Variants in RPSA2 observed in about 807,000 individuals in gnomAD.
RPSA2 encodes the protein small ribosomal subunit protein uS2B.
chr19:23,826,009 GTTA>G, the RPSA2 span, among the ~76,000 whole-genome samples: 1 of 115,730 alleles, frequency 8.6e-6, no homozygotes, highest in South Asian at 3.0e-4. Flanking sequence ...ATCTCTTTTA[GTTA>G]TTATTGTTTA....
chr19:23,789,378 C>G, the RPSA2 span, among the ~76,000 whole-genome samples: 1 of 152,148 alleles, frequency 6.6e-6, no homozygotes, highest in Non-Finnish European at 1.5e-5. Flanking sequence ...TGTGATATGA[C>G]TCTCCTGTCT....
the RPSA2 span, among the ~76,000 whole-genome samples, chr19:23,870,374 G>C: frequency 1.5e-5 from 2 of 135,066 alleles, no homozygotes; most frequent in African/African-American, 5.6e-5. Flanking sequence ...CAAGTACAAA[G>C]CTTACAGTTG....
the RPSA2 span, among the ~76,000 whole-genome samples, chr19:23,856,617 C>A: frequency 6.6e-6 from 1 of 152,260 alleles, no homozygotes; most frequent in African/African-American, 2.4e-5. Flanking sequence ...TGTTGGCATG[C>A]CAGATATTGG....
chr19:23,808,158 A>C, the RPSA2 span, among the ~76,000 whole-genome samples: 1 of 152,238 alleles, frequency 6.6e-6, no homozygotes, highest in Admixed American at 6.5e-5. Flanking sequence ...ATTATTGGTA[A>C]TTTCAGAAGT....
the RPSA2 span, chr19:23,799,111 G>A: frequency 6.6e-6 from 1 of 152,188 alleles, no homozygotes; most frequent in Admixed American, 6.5e-5. Flanking sequence ...TATTTAGAGA[G>A]AAATTGTTTT....
chr19:23,833,577 T>G, the RPSA2 span, among the ~76,000 whole-genome samples: 1 of 152,126 alleles, frequency 6.6e-6, no homozygotes, highest in Non-Finnish European at 1.5e-5. Context: ...GCCAAGCTTC[T>G]AACTAATGCT....
chr19:23,837,880 T>C, the RPSA2 span, among the ~76,000 whole-genome samples: 1 of 152,128 alleles, frequency 6.6e-6, no homozygotes, highest in East Asian at 1.9e-4. Flanking sequence ...AGGTAAATAA[T>C]CATGTCATCA....
chr19:23,854,617 AC>A, the RPSA2 span, among the ~76,000 whole-genome samples: 1 of 152,080 alleles, frequency 6.6e-6, no homozygotes, highest in East Asian at 1.9e-4. Flanking sequence ...CCCAGTGTTT[AC>A]CTTTATGGCA....
the RPSA2 span, among the ~76,000 whole-genome samples, chr19:23,843,025 G>A: frequency 6.6e-6 from 1 of 152,170 alleles, no homozygotes; most frequent in Non-Finnish European, 1.5e-5. Flanking sequence ...TGTAAAATAT[G>A]TTCTAAGTAT....
At chr19:23,851,745 C>T in the RPSA2 span, among the ~76,000 whole-genome samples, 3,444 of 152,244 alleles carry the variant, frequency 0.023, 52 homozygotes, top group Non-Finnish European at 0.028. Flanking sequence ...CATCAGTGAA[C>T]GCTGTAACGG....
chr19:23,786,476 T>C, the RPSA2 span, among the ~76,000 whole-genome samples: 1 of 152,326 alleles, frequency 6.6e-6, no homozygotes, highest in South Asian at 2.1e-4. Context: ...TTAAGTATTG[T>C]CAATTTTGGG....
At chr19:23,819,735 G>C in the RPSA2 span, among the ~76,000 whole-genome samples, 2 of 152,140 alleles carry the variant, frequency 1.3e-5, no homozygotes, top group Admixed American at 1.3e-4. Flanking sequence ...GTTTGGTGGG[G>C]GTGTACCTCA....
the RPSA2 span, among the ~76,000 whole-genome samples, chr19:23,830,595 T>C: frequency 6.6e-6 from 1 of 150,398 alleles, no homozygotes; most frequent in East Asian, 1.9e-4. Context: ...TTTTAGGATC[T>C]ATTAGTTTTT....
the RPSA2 span, among the ~76,000 whole-genome samples, chr19:23,870,949 C>T: frequency 0.11 from 16,022 of 152,184 alleles, 1,024 homozygotes; most frequent in Non-Finnish European, 0.14. Flanking sequence ...GGGAGCCACT[C>T]CCTGGTGCTG....
the RPSA2 span, among the ~76,000 whole-genome samples, chr19:23,864,357 T>C: frequency 2.0e-5 from 3 of 152,186 alleles, no homozygotes; most frequent in South Asian, 6.2e-4. Context: ...TCACAGGAAA[T>C]ATATTCTACT....
the RPSA2 span, among the ~76,000 whole-genome samples, chr19:23,807,066 ACT>A: frequency 6.6e-6 from 1 of 151,654 alleles, no homozygotes; most frequent in Non-Finnish European, 1.5e-5. Flanking sequence ...TGCTTAATAA[ACT>A]CTCTTACAGA....
chr19:23,859,064 A>G, the RPSA2 span, among the ~76,000 whole-genome samples: 5 of 152,296 alleles, frequency 3.3e-5, no homozygotes, highest in South Asian at 1.0e-3. Flanking sequence ...TTGTGTGTCC[A>G]TCTACTCGAT....
the RPSA2 span, among the ~76,000 whole-genome samples, chr19:23,811,636 T>A: frequency 1.3e-5 from 2 of 152,140 alleles, no homozygotes; most frequent in Admixed American, 6.5e-5. Flanking sequence ...AATTTACGTG[T>A]TGTGCCTGAA....
At chr19:23,845,665 A>G in the RPSA2 span, among the ~76,000 whole-genome samples, 8 of 151,854 alleles carry the variant, frequency 5.3e-5, no homozygotes, top group Non-Finnish European at 8.8e-5. Flanking sequence ...CTATTTTTAA[A>G]TTTTTTTTGT....
Sources: allele counts gnomAD v4.1 joint callset (sites outside exome capture counted in the v4.1 genomes callset), GRCh38; gene constraint gnomAD v4.1.1; transcripts MANE v1.5; gene names NCBI Gene and HGNC (gene_info 2026-07-23, HGNC 2026-07-21).